AGBL4: variants seen among roughly 807,000 people sequenced by gnomAD.
AGBL4 encodes the protein AGBL carboxypeptidase 4, also known as cytosolic carboxypeptidase 6.
In AGBL4, 58 loss-of-function variants were observed where a neutral mutation model predicts 66.4. The ratio of observed to expected loss-of-function variants is 0.87; its 90% CI spans 0.71 to 1.09. The LOEUF is 1.09. AGBL4 is among the 50% of genes least tolerant of loss of function. The probability of loss-of-function intolerance (pLI) is 0.00; values close to 1 mark genes in which losing one functional copy is unlikely to be tolerated. For missense variants in AGBL4, 579 were observed against 631.0 expected (o/e 0.92, Z 0.88); for synonymous variants, 234 against 222.9 (o/e 1.05, Z -0.44).
At chr1:48,737,450 T>C (rs1032087602) in intron 6 of AGBL4, among the ~76,000 whole-genome samples, 2 of 152,178 alleles carry the variant, frequency 1.3e-5, no homozygotes, top group African/African-American at 2.4e-5. Context: ...GCCCTGCCAA[T>C]TGGAGTAGGG....
At chr1:49,974,516 G>C (rs1658401566) in intron 1 of AGBL4, among the ~76,000 whole-genome samples, 1 of 152,140 alleles carries the variant, frequency 6.6e-6, no homozygotes. Flanking sequence ...TAAGTGACAA[G>C]AGCAGTGTGT....
intron 3 of AGBL4, among the ~76,000 whole-genome samples, chr1:49,305,852 G>T (rs372218486): frequency 1.3e-5 from 2 of 151,978 alleles, no homozygotes; most frequent in East Asian, 3.9e-4. Flanking sequence ...CACCACGCCC[G>T]GCTAATTTTG....
chr1:49,046,482 C>T (rs192975731), intron 4 of AGBL4, among the ~76,000 whole-genome samples: 11 of 152,246 alleles, frequency 7.2e-5, no homozygotes, highest in Admixed American at 2.6e-4. Context: ...TTAAAATATG[C>T]TGTGTGGGCA....
chr1:49,471,121 A>C (rs947375639), intron 3 of AGBL4, among the ~76,000 whole-genome samples: 1 of 152,058 alleles, frequency 6.6e-6, no homozygotes, highest in Non-Finnish European at 1.5e-5. Context: ...CTCTCTCTAC[A>C]AGGAATACAC....
At position 48,579,274 on chromosome 1, in the gene AGBL4, C is replaced by T. The variant is rs144738270; in HGVS notation, c.1267+7730G>A. ...ATGAAGGCTTGCTCTGTCCCCAAGGCTGGAGTGCAATGGCATGATCTCAGC... is the reference window on the plus strand; with the variant it reads ...ATGAAGGCTTGCTCTGTCCCCAAGGTTGGAGTGCAATGGCATGATCTCAGC... On this transcript the variant is annotated intron_variant, in intron 11 of 13. Transcript: ENST00000371839. Among the ~76,000 whole-genome samples the T allele has an allele frequency of 1.4e-4, 22 of 152,052 alleles. No individual in the cohort carries two copies. The East Asian group carries it at 4.3e-3, about 30-fold the overall frequency.
At chr1:49,442,487 C>T (rs2148670219) in intron 3 of AGBL4, among the ~76,000 whole-genome samples, 1 of 152,302 alleles carries the variant, frequency 6.6e-6, no homozygotes, top group South Asian at 2.1e-4. Flanking sequence ...TTAGCTTCCA[C>T]ATATAAGTGA....
At chr1:49,405,846 G>A (rs1042747936) in intron 3 of AGBL4, among the ~76,000 whole-genome samples, 10 of 152,296 alleles carry the variant, frequency 6.6e-5, no homozygotes, top group African/African-American at 2.2e-4. Context: ...ATCAGTACAT[G>A]ATGCCATTTG....
chr1:49,996,848 G>T (rs1406035604), intron 1 of AGBL4, among the ~76,000 whole-genome samples: 1 of 152,254 alleles, frequency 6.6e-6, no homozygotes, highest in East Asian at 1.9e-4. Context: ...AAACCAATCA[G>T]ATTAATAGCA....
intron 3 of AGBL4, among the ~76,000 whole-genome samples, chr1:49,359,328 G>A (rs1266530194): frequency 6.6e-6 from 1 of 152,098 alleles, no homozygotes; most frequent in Non-Finnish European, 1.5e-5. Flanking sequence ...CAAACCTTAG[G>A]TGCTTCATTT....
chr1:49,955,531 TG>T (rs1335412055), intron 1 of AGBL4, among the ~76,000 whole-genome samples: 3 of 151,886 alleles, frequency 2.0e-5, no homozygotes, highest in Non-Finnish European at 4.4e-5. Flanking sequence ...GAGATCTAAT[TG>T]GTTTATAAAT....
At position 49,286,067 on chromosome 1, in the gene AGBL4, T is replaced by C. The variant is rs186511523; in HGVS notation, c.283-40203A>G. ...GCAAGGCTGGTTCAATATACACAAA[T>C]CATAAATGTAATCCAGCATATAAAC... On this transcript the variant is annotated intron_variant, in intron 3 of 13. Transcript: ENST00000371839. 4.6e-5 allele frequency among the ~76,000 whole-genome samples: 7 copies of C among 152,206 alleles called. No homozygotes were observed. In the East Asian group the frequency reaches 1.4e-3, roughly 29 times the overall value.
chr1:49,607,151 A>C (rs1645075760), intron 3 of AGBL4, among the ~76,000 whole-genome samples: 1 of 152,264 alleles, frequency 6.6e-6, no homozygotes, highest in Admixed American at 6.5e-5. Flanking sequence ...CAACACTCCC[A>C]TACCCATAAG....
chr1:49,076,022 C>T (rs374302946), intron 4 of AGBL4, among the ~76,000 whole-genome samples: 20 of 152,278 alleles, frequency 1.3e-4, no homozygotes, highest in South Asian at 1.0e-3. Flanking sequence ...CCCTGGCAAT[C>T]GGCATAGAGT....
At chr1:49,271,751 T>C (rs1306488526) in intron 3 of AGBL4, among the ~76,000 whole-genome samples, 1 of 151,818 alleles carries the variant, frequency 6.6e-6, no homozygotes, top group African/African-American at 2.4e-5. Context: ...ACATAAAAAA[T>C]CTAAAAGAGA....
At chr1:49,969,221 C>T (rs1426596554) in intron 1 of AGBL4, among the ~76,000 whole-genome samples, 1 of 152,174 alleles carries the variant, frequency 6.6e-6, no homozygotes, top group African/African-American at 2.4e-5. Flanking sequence ...ATACAAAAAG[C>T]TATACATATT....
intron 8 of AGBL4, among the ~76,000 whole-genome samples, chr1:48,651,566 C>T (rs1223728343): frequency 6.6e-6 from 1 of 152,222 alleles, no homozygotes; most frequent in East Asian, 1.9e-4. Flanking sequence ...GGTGGAAAAG[C>T]ATCACTCTCA....
chr1:49,146,833 A>G (rs1439262803), intron 4 of AGBL4, among the ~76,000 whole-genome samples: 3 of 152,308 alleles, frequency 2.0e-5, no homozygotes, highest in Middle Eastern at 3.4e-3. Context: ...CTCATCCATC[A>G]TCATTACAGC....
At chr1:48,691,218 T>G (rs1164499911) in intron 6 of AGBL4, among the ~76,000 whole-genome samples, 4 of 147,972 alleles carry the variant, frequency 2.7e-5, no homozygotes, top group Non-Finnish European at 5.9e-5. Flanking sequence ...ATATAGAAAA[T>G]TTTACCAAAT....
chr1:49,058,007 TG>T (rs1644337071), intron 4 of AGBL4, among the ~76,000 whole-genome samples: 1 of 152,076 alleles, frequency 6.6e-6, no homozygotes, highest in South Asian at 2.1e-4. Flanking sequence ...TGGGTAGGGA[TG>T]GGTATTGTGG....
Sources: allele counts gnomAD v4.1 joint callset (sites outside exome capture counted in the v4.1 genomes callset), GRCh38; gene constraint gnomAD v4.1.1; transcripts MANE v1.5; gene names NCBI Gene and HGNC (gene_info 2026-07-23, HGNC 2026-07-21).